SERPINB8: variants seen among roughly 807,000 people sequenced by gnomAD.
The protein encoded by SERPINB8 is serpin family B member 8.
Under a neutral mutation model 35.3 loss-of-function variants are expected in SERPINB8, and 25 were observed. That is an observed-to-expected ratio of 0.71 (90% CI 0.52 to 0.99). The LOEUF (loss-of-function observed/expected upper bound fraction) is 0.99, where lower values mean the gene tolerates loss of function less well. Among genes scored for constraint, SERPINB8 ranks in the 50% least tolerant of loss-of-function variants. SERPINB8 has a pLI of 0.00. For missense variants in SERPINB8, 484 were observed against 446.5 expected (o/e 1.08, Z -0.76); for synonymous variants, 186 against 160.8 (o/e 1.16, Z -1.19).
In SERPINB8 at chr18:63,987,045, G is replaced by C; in HGVS notation, c.892G>C (p.Asp298His). 1 of 1,614,182 alleles carries C rather than the reference G, an allele frequency of 6.2e-7. No homozygotes were observed. Among genetic ancestry groups the C allele is most frequent in the Non-Finnish European group, 8.5e-7 (1 of 1,180,040 alleles). Reference sequence around the variant, plus strand: ...CGATGCTTTTGACGAAGCCAAGGCAGACTTTTCTGGAATGTCAACTGAGAA... The same window carrying C: ...CGATGCTTTTGACGAAGCCAAGGCACACTTTTCTGGAATGTCAACTGAGAA... The part of the protein sequence containing the change: ...MIDAFDEAKA[D>H]FSGMSTEKNV... Residue 298 changes from aspartate (D) to histidine (H), a missense_variant, in exon 7 of 7, where the codon GAC becomes CAC. Transcript: ENST00000397985.
rs1599137724 is a variant in SERPINB8, at chr18:63,978,565, G to A, written c.168+89G>A. The A allele has an allele frequency of 3.4e-6, 5 of 1,473,672 alleles. No individual in the cohort carries two copies. The East Asian group carries it at 9.1e-5, about 27-fold the overall frequency. The allele number at this position is 1,473,672 out of a possible 1,614,324, so 91.3% of individuals were successfully genotyped here. A position where few individuals can be genotyped will look rare whatever the true frequency, so the allele number is the denominator to read the frequency against. The stretch of plus-strand genomic sequence containing the variant: ...CTTTCTGTACTTTTGCTCTAGCTGA[G>A]GCCTGTGGAGCTGGAGGTAGAAGGA... On this transcript the variant is annotated intron_variant, in intron 2 of 6. Transcript: ENST00000397985.
At chr18:64,001,500 T>TTTATTTATTTAC (rs1353053862) in intron 1 of SERPINB8, among the ~76,000 whole-genome samples, 82 of 151,476 alleles carry the variant, frequency 5.4e-4, no homozygotes, top group African/African-American at 1.8e-3. Context: ...TATTTATTTA[T>TTTATTTATTTAC]TTACTTAGAG....
Position 63,987,809 on chromosome 18 carries a change from A to G in SERPINB8, c.*531A>G, listed in dbSNP as rs2050785725. On this transcript the variant is annotated 3_prime_UTR_variant, in exon 7 of 7. Coordinates refer to ENST00000397985, the MANE Select transcript of SERPINB8 (RefSeq NM_002640.4). The stretch of plus-strand genomic sequence containing the variant: ...CTGTCTCACACAGTTTGTAATGAAG[A>G]CAGCTCCTTCTCATCTTTCCATAAG... 1.3e-5 allele frequency: 2 copies of G among 153,002 alleles called. No individual in the cohort carries two copies. The highest frequency in any genetic ancestry group is 2.9e-5 in the Non-Finnish European group (2 of 68,620). The allele number at this position is 153,002 out of a possible 1,614,324, so 9.5% of individuals were successfully genotyped here.
rs771437306 is a variant in SERPINB8, at chr18:63,986,210, A to G, written c.721-664A>G. On this transcript the variant is annotated intron_variant, in intron 6 of 6. Transcript: ENST00000397985. ...GTTGTTAAAGGGAAGGGGAGATGCT[A>G]GTGGAAGGCCTTTCTCCCTTTTTTC... 4.5e-6 allele frequency: 7 copies of G among 1,559,638 alleles called. No homozygotes were observed. The Admixed American group carries it at 5.1e-5, about 11-fold the overall frequency.
At chr18:63,972,686 A>G (rs937910430) in intron 1 of SERPINB8, among the ~76,000 whole-genome samples, 10 of 73,802 alleles carry the variant, frequency 1.4e-4, no homozygotes, top group Admixed American at 4.3e-4. Context: ...TCCCCACCCT[A>G]TGTCCAAGTG....
intron 1 of SERPINB8, among the ~76,000 whole-genome samples, chr18:63,972,426 T>C (rs1005934605): frequency 6.6e-6 from 1 of 152,230 alleles, no homozygotes; most frequent in Non-Finnish European, 1.5e-5. Context: ...TGTTCTGTAT[T>C]CCATTATACT....
In SERPINB8 at chr18:63,985,224, T is replaced by A. The variant is rs1017008827; in HGVS notation, c.699T>A (p.Asp233Glu). The A allele has an allele frequency of 6.2e-6, 10 of 1,614,100 alleles. No individual in the cohort carries two copies. In the African/African-American group the frequency reaches 8.0e-5, roughly 13 times the overall value. ...EELSMVILLP[D>E]DNTDLAVVEK... is the part of the protein sequence containing the mutation. ...TGAGCATGGTCATTCTGCTTCCCGA[T>A]GACAACACGGACCTCGCCGTGGTAA... Residue 233 changes from aspartate to glutamate, a missense_variant, in exon 6 of 7, where the codon GAT (aspartate) becomes GAA (glutamate). Transcript: ENST00000397985.
chr18:64,003,758 G>T (rs2050887334), intron 1 of SERPINB8, among the ~76,000 whole-genome samples: 1 of 152,100 alleles, frequency 6.6e-6, no homozygotes, highest in African/African-American at 2.4e-5. Flanking sequence ...TGTCAGGCAG[G>T]TGAAATTTCC....
chr18:64,018,936 G>T (rs2050962954), exon 8 of SERPINB8: 1 of 152,008 alleles, frequency 6.6e-6, no homozygotes, highest in African/African-American at 2.4e-5. Flanking sequence ...CTCCATTTAT[G>T]ATCAAACACC....
chr18:63,971,060 C>A (rs758155238), intron 1 of SERPINB8, among the ~76,000 whole-genome samples: 1 of 152,166 alleles, frequency 6.6e-6, no homozygotes, highest in Non-Finnish European at 1.5e-5. Flanking sequence ...GCCTCGGGCT[C>A]TGCGTAGACC....
intron 1 of SERPINB8, among the ~76,000 whole-genome samples, chr18:63,975,293 GT>G: frequency 6.6e-6 from 1 of 152,230 alleles, no homozygotes. Flanking sequence ...GGTTGGCCCA[GT>G]TCTATGAAGT....
chr18:64,011,745 A>C (rs2050926991), intron 7 of SERPINB8, among the ~76,000 whole-genome samples: 1 of 152,194 alleles, frequency 6.6e-6, no homozygotes, highest in Admixed American at 6.5e-5. Context: ...GATATTAGGG[A>C]AGCAAATACT....
rs78692703 is a variant in SERPINB8, at chr18:63,980,637, G to T, written c.306+699G>T. ...TGTTCCCGGAATTTGCCTGCTCTGG[G>T]TTTATCTACCTCAGAAGGTGACTCT... On this transcript the variant is annotated intron_variant, in intron 3 of 6. Coordinates refer to ENST00000397985, the MANE Select transcript of SERPINB8 (RefSeq NM_002640.4). Among the ~76,000 whole-genome samples the T allele has an allele frequency of 4.0e-3, 602 of 152,296 alleles. 7 individuals are homozygous for T. The highest frequency in any genetic ancestry group is 0.013 in the African/African-American group (557 of 41,542).
chr18:64,016,402 G>A (rs2144853845), intron 7 of SERPINB8, among the ~76,000 whole-genome samples: 1 of 152,246 alleles, frequency 6.6e-6, no homozygotes, highest in East Asian at 1.9e-4. Flanking sequence ...CTTCAATGCA[G>A]GGTAGATTGC....
At chr18:63,984,163 T>G (rs1456239473) in intron 5 of SERPINB8, among the ~76,000 whole-genome samples, 1 of 152,236 alleles carries the variant, frequency 6.6e-6, no homozygotes, top group East Asian at 1.9e-4. Context: ...CTGAATGAAT[T>G]TAATGCCTCC....
chr18:63,993,368 A>G (rs11873688), downstream of SERPINB8, among the ~76,000 whole-genome samples: 3,883 of 152,254 alleles, frequency 0.026, 154 homozygotes, highest in African/African-American at 0.089. Flanking sequence ...ATTTCCAAAG[A>G]TTTTATGTTA....
At chr18:63,989,942 CAAAAAAAAA>C (rs1161052778), downstream of SERPINB8, among the ~76,000 whole-genome samples, 5 of 27,862 alleles carry the variant, frequency 1.8e-4, no homozygotes, top group East Asian at 4.9e-3. Flanking sequence ...GACTCTGTCT[CAAAAAAAAA>C]AAAAAAAAAA....
chr18:63,973,711 C>G (rs1019648149), intron 1 of SERPINB8, among the ~76,000 whole-genome samples: 2 of 151,750 alleles, frequency 1.3e-5, no homozygotes, highest in African/African-American at 4.8e-5. Flanking sequence ...TCTACATATG[C>G]CAGTTTTCCC....
rs61735440 is a variant in SERPINB8, at chr18:63,985,148, C to T, written c.623C>T (p.Ala208Val). The T allele has an allele frequency of 2.5e-4, 400 of 1,614,062 alleles. No individual in the cohort carries two copies. The African/African-American group carries it at 3.8e-3, about 15-fold the overall frequency. The change falls in exon 6 of 7, where the codon GCG (alanine) becomes GTG (valine). Residue 208 changes from alanine (A) to valine (V), a missense_variant. Coordinates refer to ENST00000397985, the MANE Select transcript of SERPINB8 (RefSeq NM_002640.4). ...FKEAKFKMGY[A>V]DEVHTQVLEL... Reference sequence around the variant, plus strand: ...GAAGCTAAGTTTAAAATGGGGTATGCGGATGAGGTACACACCCAGGTCCTG... The same window carrying T: ...GAAGCTAAGTTTAAAATGGGGTATGTGGATGAGGTACACACCCAGGTCCTG...
Sources: gnomAD v4.1 joint callset for allele counts (sites outside exome capture counted in the v4.1 genomes callset) on GRCh38, gnomAD v4.1.1 for gene constraint, MANE v1.5 for transcripts, NCBI Gene and HGNC (gene_info 2026-07-23, HGNC 2026-07-21) for gene names.